Variants in ACOXL observed in about 807,000 individuals in gnomAD.
ACOXL encodes acyl-CoA oxidase like, also known as acyl-coenzyme A oxidase-like protein.
A neutral mutation model predicts 71.9 loss-of-function variants in ACOXL; 70 were observed. That is an observed-to-expected ratio of 0.97 (90% CI 0.80 to 1.19). ACOXL has a LOEUF of 1.19. ACOXL is among the 50% of genes most tolerant of loss of function. The pLI, the probability that ACOXL is intolerant of heterozygous loss-of-function variation, is 0.00. For missense variants in ACOXL, 703 were observed against 736.3 expected (o/e 0.95, Z 0.52); for synonymous variants, 253 against 281.6 (o/e 0.90, Z 1.02).
At chr2:110,807,321 G>A (rs1197169668) in intron 9 of ACOXL, among the ~76,000 whole-genome samples, 2 of 152,192 alleles carry the variant, frequency 1.3e-5, no homozygotes, top group African/African-American at 2.4e-5. Flanking sequence ...TGTGTGCAGC[G>A]CTGGCCCAGA....
At chr2:110,847,413 T>G (rs1478641189) in intron 10 of ACOXL, among the ~76,000 whole-genome samples, 1 of 152,198 alleles carries the variant, frequency 6.6e-6, no homozygotes, top group African/African-American at 2.4e-5. Flanking sequence ...TCACTTATGC[T>G]TGTATTTCTA....
chr2:111,005,701 A>C (rs1161057700), intron 14 of ACOXL, among the ~76,000 whole-genome samples: 1 of 152,156 alleles, frequency 6.6e-6, no homozygotes, highest in Non-Finnish European at 1.5e-5. Flanking sequence ...TCTGTGGAAA[A>C]TGCAAGCTGT....
At chr2:111,002,730 T>A (rs1484135841) in intron 14 of ACOXL, among the ~76,000 whole-genome samples, 2 of 152,128 alleles carry the variant, frequency 1.3e-5, no homozygotes, top group East Asian at 3.8e-4. Context: ...TTTCATTTTA[T>A]TTTTTTCCCA....
At chr2:110,797,520 T>TATAGGTCATG (rs1559274812) in intron 5 of ACOXL, among the ~76,000 whole-genome samples, 1 of 152,164 alleles carries the variant, frequency 6.6e-6, no homozygotes, top group African/African-American at 2.4e-5. Context: ...CTCTAAGCAG[T>TATAGGTCATG]GGTGGGAATA....
At chr2:110,824,416 G>T (rs1316849505) in intron 9 of ACOXL, among the ~76,000 whole-genome samples, 1 of 152,182 alleles carries the variant, frequency 6.6e-6, no homozygotes, top group Non-Finnish European at 1.5e-5. Context: ...TTGGGATTCT[G>T]TTAGGGTCCC....
intron 12 of ACOXL, among the ~76,000 whole-genome samples, chr2:110,980,818 G>A (rs2062675621): frequency 6.6e-6 from 1 of 152,224 alleles, no homozygotes; most frequent in South Asian, 2.1e-4. Flanking sequence ...TCTGCCCGCG[G>A]CCCTGAAAGC....
intron 11 of ACOXL, among the ~76,000 whole-genome samples, chr2:110,931,402 AT>A (rs34091193): frequency 6.6e-6 from 1 of 152,082 alleles, no homozygotes; most frequent in African/African-American, 2.4e-5. Flanking sequence ...TCATGTATAC[AT>A]TTTTTTAAAT....
chr2:111,073,337 C>G (rs2067432490), intron 16 of ACOXL, among the ~76,000 whole-genome samples: 1 of 152,182 alleles, frequency 6.6e-6, no homozygotes, highest in Admixed American at 6.5e-5. Flanking sequence ...CGTTAAACCT[C>G]AAGTCATGAA....
intron 7 of ACOXL, 103 bp from the exon 8 acceptor site, chr2:110,801,549 G>C: frequency 2.0e-6 from 2 of 997,950 alleles, no homozygotes; most frequent in Non-Finnish European, 3.1e-6. Flanking sequence ...AACAATTCTG[G>C]AAGTAAAATA....
intron 15 of ACOXL, among the ~76,000 whole-genome samples, chr2:111,042,712 G>A (rs1354576823): frequency 6.6e-6 from 1 of 152,226 alleles, no homozygotes; most frequent in East Asian, 1.9e-4. Context: ...CCTCTGCTGG[G>A]CAGCAGTAGC....
At chr2:110,932,983 C>T (rs577683367) in intron 11 of ACOXL, among the ~76,000 whole-genome samples, 30 of 152,258 alleles carry the variant, frequency 2.0e-4, no homozygotes, top group Admixed American at 2.6e-4. Context: ...CGTCAGATGC[C>T]GACAGGCCTC....
intron 17 of ACOXL, chr2:111,100,484 C>G (rs2069070690): frequency 6.6e-6 from 1 of 152,642 alleles, no homozygotes; most frequent in Admixed American, 6.5e-5. Flanking sequence ...GTAACCATGT[C>G]CAAGAAATCT....
At chr2:111,048,848 T>C (rs2066148429) in intron 15 of ACOXL, among the ~76,000 whole-genome samples, 1 of 152,014 alleles carries the variant, frequency 6.6e-6, no homozygotes, top group African/African-American at 2.4e-5. Flanking sequence ...ATTAGCACTG[T>C]CAAATTTACA....
At chr2:111,013,605 T>C (rs1334316103) in intron 14 of ACOXL, among the ~76,000 whole-genome samples, 3 of 152,026 alleles carry the variant, frequency 2.0e-5, no homozygotes, top group Non-Finnish European at 2.9e-5. Flanking sequence ...TCGCTTTTTT[T>C]CTTTTCTTTT....
chr2:111,095,293 T>C (rs2068743497), intron 17 of ACOXL, among the ~76,000 whole-genome samples: 1 of 151,382 alleles, frequency 6.6e-6, no homozygotes, highest in Non-Finnish European at 1.5e-5. Context: ...TGACACAGAA[T>C]TAGATAAACA....
intron 10 of ACOXL, among the ~76,000 whole-genome samples, chr2:110,883,346 G>C (rs552268518): frequency 6.6e-6 from 1 of 152,126 alleles, no homozygotes; most frequent in East Asian, 1.9e-4. Context: ...GTAGCCCCAA[G>C]CAATCCACCC....
intron 12 of ACOXL, among the ~76,000 whole-genome samples, chr2:110,946,838 T>C (rs890087732): frequency 3.3e-5 from 5 of 152,128 alleles, no homozygotes; most frequent in Non-Finnish European, 7.4e-5. Flanking sequence ...TTAGTCTTTC[T>C]GAGATTTCCT....
chr2:110,785,400 G>GT (rs397934583), intron 3 of ACOXL, among the ~76,000 whole-genome samples: 1 of 150,718 alleles, frequency 6.6e-6, no homozygotes, highest in Non-Finnish European at 1.5e-5. Context: ...GTGTGTGTGT[G>GT]GTTTTATGCA....
At chr2:110,932,022 A>G (rs114027840) in intron 11 of ACOXL, among the ~76,000 whole-genome samples, 2,230 of 152,376 alleles carry the variant, frequency 0.015, 27 homozygotes, top group Middle Eastern at 0.051. Context: ...GGAAACAACC[A>G]AAATGTTCAT....
Sources: allele counts gnomAD v4.1 joint callset (sites outside exome capture counted in the v4.1 genomes callset), GRCh38; gene constraint gnomAD v4.1.1; transcripts MANE v1.5; gene names NCBI Gene and HGNC (gene_info 2026-07-23, HGNC 2026-07-21).